The following GCNT2 variants were observed in gnomAD, a reference collection of about 807,000 sequenced individuals.
The protein encoded by GCNT2 is glucosaminyl (N-acetyl) transferase 2 (I blood group), also known as N-acetyllactosaminide beta-1,6-N-acetylglucosaminyl-transferase.
GCNT2 carries 34 observed loss-of-function variants against 34.2 expected under a neutral mutation model. The ratio of observed to expected loss-of-function variants is 1.00; its 90% CI spans 0.76 to 1.32. The LOEUF is 1.32. GCNT2 is among the 40% of genes most tolerant of loss of function. GCNT2 has a pLI of 0.00. For missense variants in GCNT2, 584 were observed against 489.4 expected, an observed-to-expected ratio of 1.19 and a Z score of -1.82; for synonymous variants, 212 against 188.0, an observed-to-expected ratio of 1.13 and a Z score of -1.04.
chr6:10,607,032 C>T (rs187224808), intron 3 of GCNT2, among the ~76,000 whole-genome samples: 3 of 152,082 alleles, frequency 2.0e-5, no homozygotes, highest in East Asian at 1.9e-4. Context: ...CTGCAACCAC[C>T]GCCTTCCGGG....
In GCNT2 at chr6:10,582,463, A is replaced by G. The variant is rs1764157034; in HGVS notation, c.926-38888A>G. 5.1e-5 allele frequency among the ~76,000 whole-genome samples: 6 copies of G among 118,640 alleles called. 1 individual carries two copies. The South Asian group carries it at 1.4e-3, about 27-fold the overall frequency. The allele number at this position is 118,640 out of a possible 152,430, so 77.8% of individuals were successfully genotyped here. A position where few individuals can be genotyped will look rare whatever the true frequency, so the allele number is the denominator to read the frequency against. On this transcript the variant is annotated intron_variant, in intron 3 of 4. Coordinates refer to ENST00000495262, the MANE Select transcript of GCNT2 (RefSeq NM_145649.5). ...ATTTATTATATAATATATATAATAA[A>G]TATAATATATACTATAATATATACT... is the stretch of plus-strand genomic sequence containing the variant.
chr6:10,567,300 T>C (rs576521439), intron 3 of GCNT2, among the ~76,000 whole-genome samples: 4 of 152,122 alleles, frequency 2.6e-5, no homozygotes, highest in South Asian at 2.1e-4. Context: ...CTACAAAATA[T>C]ACAAAAATCA....
chr6:10,590,155 T>C (rs1581454834), intron 3 of GCNT2, among the ~76,000 whole-genome samples: 1 of 152,164 alleles, frequency 6.6e-6, no homozygotes, highest in Non-Finnish European at 1.5e-5. Context: ...TCCAATACTT[T>C]GGGAGGCCAA....
chr6:10,603,301 GTTA>G (rs1765158021), intron 3 of GCNT2, among the ~76,000 whole-genome samples: 2 of 152,130 alleles, frequency 1.3e-5, no homozygotes, highest in Non-Finnish European at 2.9e-5. Context: ...TAATAGTTAC[GTTA>G]TTGTCATAAG....
chr6:10,580,411 T>C (rs1022693332), intron 3 of GCNT2, among the ~76,000 whole-genome samples: 5 of 152,200 alleles, frequency 3.3e-5, no homozygotes, highest in Non-Finnish European at 7.3e-5. Context: ...CTTACCTGCC[T>C]GTAGGCATTT....
At chr6:10,565,705 T>C (rs1763246660) in intron 3 of GCNT2, among the ~76,000 whole-genome samples, 1 of 152,138 alleles carries the variant, frequency 6.6e-6, no homozygotes, top group African/African-American at 2.4e-5. Flanking sequence ...TGGTAAATTC[T>C]TCCTGGTAAA....
chr6:10,624,242 C>A (rs1766169430), intron 4 of GCNT2, among the ~76,000 whole-genome samples: 2 of 152,172 alleles, frequency 1.3e-5, no homozygotes, highest in Admixed American at 6.5e-5. Context: ...CTGATAAAGA[C>A]ATACCCAAGA....
chr6:10,569,271 A>C (rs568603518), intron 3 of GCNT2, among the ~76,000 whole-genome samples: 9 of 142,356 alleles, frequency 6.3e-5, no homozygotes, highest in African/African-American at 2.1e-4. Flanking sequence ...ACACACACAC[A>C]CACCCCCTAG....
chr6:10,600,647 C>A (rs7755748), intron 3 of GCNT2, among the ~76,000 whole-genome samples: 65,208 of 152,008 alleles, frequency 0.43, 16,416 homozygotes, highest in East Asian at 0.61. Flanking sequence ...CGTATGTAGC[C>A]ATTGAGGGCT....
chr6:10,597,360 G>C (rs1010438030), intron 3 of GCNT2, among the ~76,000 whole-genome samples: 1 of 151,642 alleles, frequency 6.6e-6, no homozygotes, highest in Non-Finnish European at 1.5e-5. Flanking sequence ...TTGCCATGTT[G>C]CCCAGGCTGG....
intron 3 of GCNT2, among the ~76,000 whole-genome samples, chr6:10,578,935 A>G (rs746970854): frequency 9.2e-5 from 14 of 152,210 alleles, no homozygotes; most frequent in Non-Finnish European, 1.8e-4. Flanking sequence ...TGTGTTAAGT[A>G]GGGGTTGACT....
At chr6:10,553,982 A>G (rs1762587818) in intron 3 of GCNT2, among the ~76,000 whole-genome samples, 1 of 152,236 alleles carries the variant, frequency 6.6e-6, no homozygotes, top group African/African-American at 2.4e-5. Flanking sequence ...AGATGGCCCC[A>G]GGGGAGTGTT....
At chr6:10,591,781 T>C (rs544914373) in intron 3 of GCNT2, among the ~76,000 whole-genome samples, 1 of 152,186 alleles carries the variant, frequency 6.6e-6, no homozygotes, top group South Asian at 2.1e-4. Context: ...ACCAAGACTA[T>C]AAGAATATGA....
chr6:10,615,349 G>C (rs1328302750), intron 3 of GCNT2, among the ~76,000 whole-genome samples: 6 of 151,632 alleles, frequency 4.0e-5, no homozygotes, highest in African/African-American at 1.4e-4. Flanking sequence ...GGATCTCACT[G>C]TGTTACCCAG....
chr6:10,616,399 G>C (rs998929098), intron 3 of GCNT2, among the ~76,000 whole-genome samples: 1 of 152,138 alleles, frequency 6.6e-6, no homozygotes, highest in Non-Finnish European at 1.5e-5. Context: ...ACAGGGTACC[G>C]CTGTTAGTTT....
intron 4 of GCNT2, among the ~76,000 whole-genome samples, chr6:10,625,568 C>A (rs904869625): frequency 2.0e-5 from 3 of 152,020 alleles, no homozygotes; most frequent in African/African-American, 7.3e-5. Context: ...TGAGGTTTAT[C>A]ACACATCTAG....
chr6:10,571,422 G>A (rs1226355465), intron 3 of GCNT2, among the ~76,000 whole-genome samples: 2 of 152,060 alleles, frequency 1.3e-5, no homozygotes, highest in East Asian at 3.9e-4. Context: ...TGCAATCTCA[G>A]CTCACTGCAA....
chr6:10,557,255 G>A, intron 3 of GCNT2: 1 of 1,606,756 alleles, frequency 6.2e-7, no homozygotes, highest in Non-Finnish European at 8.5e-7. Context: ...TGTTCTGCAT[G>A]ACCCACGGGC....
chr6:10,536,364 T>C (rs1761752141), intron 3 of GCNT2, among the ~76,000 whole-genome samples: 1 of 142,400 alleles, frequency 7.0e-6, no homozygotes. Flanking sequence ...CAACTTCTTC[T>C]TTTTTTTTTT....
Sources: allele counts gnomAD v4.1 joint callset (sites outside exome capture counted in the v4.1 genomes callset), GRCh38; gene constraint gnomAD v4.1.1; transcripts MANE v1.5; gene names NCBI Gene and HGNC (gene_info 2026-07-23, HGNC 2026-07-21).